The following ABCC9 variants were observed in gnomAD, a reference collection of about 807,000 sequenced individuals.
ABCC9 encodes the protein ATP binding cassette subfamily C member 9.
In ABCC9, 95 loss-of-function variants were observed where a neutral mutation model predicts 188.3. The observed-to-expected ratio is 0.50, with a 90% CI of 0.43 to 0.60. The LOEUF is 0.60. Among genes scored for constraint, ABCC9 ranks in the 20% least tolerant of loss-of-function variants. The pLI is 0.00. For synonymous variants in ABCC9, 659 were observed against 652.7 expected, an observed-to-expected ratio of 1.01 and a Z score of -0.15; for missense variants, 1,102 against 1,876.3, an observed-to-expected ratio of 0.59 and a Z score of 7.62.
intron 29 of ABCC9, among the ~76,000 whole-genome samples, chr12:21,840,523 TATTGATA>T (rs1407831920): frequency 6.6e-6 from 1 of 152,208 alleles, no homozygotes; most frequent in Non-Finnish European, 1.5e-5. Context: ...ACTCCATTTG[TATTGATA>T]AAGGGCAATA....
Position 21,815,859 on chromosome 12 carries a change from T to A in ABCC9, c.3927A>T (p.Glu1309Asp). 2 of 1,613,416 alleles carry A rather than the reference T, an allele frequency of 1.2e-6. No homozygotes were observed. Among genetic ancestry groups the A allele is most frequent in the South Asian group, 2.2e-5 (2 of 91,066 alleles). Reference sequence around the variant, plus strand: ...ACAGATCATGTATCTTGATCTCCCCTTCTTGTGGCCAATGTTCTGGAACTT... The same window carrying A: ...ACAGATCATGTATCTTGATCTCCCCATCTTGTGGCCAATGTTCTGGAACTT... ...PSQVPEHWPQ[E>D]GEIKIHDLCV... is the part of the protein sequence containing the mutation. Residue 1309 changes from glutamate (E) to aspartate (D), a missense_variant, in exon 34 of 40, where the codon GAA becomes GAT. Around this residue, in one of 12 missense-constraint regions of ABCC9, gnomAD observed 143 missense variants for 225.6 expected, o/e 0.63. Transcript: ENST00000261200.
rs201838439 is a variant in ABCC9, at chr12:21,848,203, C to T, written c.2813G>A (p.Arg938Gln). The T allele has an allele frequency of 1.6e-5, 26 of 1,613,588 alleles. No individual in the cohort carries two copies. Among genetic ancestry groups the T allele is most frequent in the Non-Finnish European group, 1.9e-5 (22 of 1,179,610 alleles). ...GGCTTCTCTTGAATACATGGCCCGTCGGAGAGTTTTCCTCTCTAAAGTAGT... is the reference window on the plus strand; with the variant it reads ...GGCTTCTCTTGAATACATGGCCCGTTGGAGAGTTTTCCTCTCTAAAGTAGT... ...DQTTLERKTL[R>Q]RAMYSREAKA... The change falls in exon 25 of 40, where the codon CGA becomes CAA. Residue 938 changes from arginine (R) to glutamine (Q), a missense_variant. Coordinates refer to ENST00000261200, the MANE Select transcript of ABCC9 (RefSeq NM_020297.4).
intron 7 of ABCC9, 24 bp from the exon 8 acceptor site, chr12:21,913,090 A>G: frequency 1.3e-6 from 2 of 1,586,286 alleles, no homozygotes; most frequent in East Asian, 2.2e-5. Flanking sequence ...AAAGAAAAAA[A>G]AAACAGATGT....
At chr12:21,842,568 T>TG in intron 28 of ABCC9, 97 bp from the exon 29 acceptor site, 1 of 1,220,846 alleles carries the variant, frequency 8.2e-7, no homozygotes, top group Non-Finnish European at 1.2e-6. Flanking sequence ...AGTTACACAG[T>TG]TAACTACCAA....
At chr12:21,936,833 G>C (rs1009544143) in intron 2 of ABCC9, 139 bp from the exon 3 acceptor site, 10 of 631,788 alleles carry the variant, frequency 1.6e-5, no homozygotes, top group African/African-American at 1.5e-4. Context: ...AAGAAACTCT[G>C]TGCCAAAGCA....
chr12:21,886,074 T>C (rs913234802), intron 15 of ABCC9, among the ~76,000 whole-genome samples: 2 of 152,168 alleles, frequency 1.3e-5, no homozygotes, highest in Non-Finnish European at 2.9e-5. Context: ...GTGAAATATA[T>C]TAATTTTTAA....
chr12:21,808,159 C>T (rs911395382), intron 37 of ABCC9, among the ~76,000 whole-genome samples: 13 of 151,954 alleles, frequency 8.6e-5, no homozygotes, highest in African/African-American at 2.7e-4. Context: ...TCCCTAATGT[C>T]CTGGGGAAAA....
At chr12:21,925,690 T>C in intron 5 of ABCC9, 1 of 622,754 alleles carries the variant, frequency 1.6e-6, no homozygotes, top group South Asian at 1.9e-5. Context: ...CCCACCCCCC[T>C]ACACCACAGA....
intron 24 of ABCC9, among the ~76,000 whole-genome samples, chr12:21,849,076 C>A (rs1229197408): frequency 6.6e-6 from 1 of 152,034 alleles, no homozygotes; most frequent in Non-Finnish European, 1.5e-5. Flanking sequence ...GAAAACCAAC[C>A]ATTTCCCCTT....
At chr12:21,915,496 GTGTGTA>G (rs1293508719) in intron 7 of ABCC9, among the ~76,000 whole-genome samples, 166 bp downstream of exon 7, 1 of 5,438 alleles carries the variant, frequency 1.8e-4, no homozygotes, top group Non-Finnish European at 3.9e-4. Flanking sequence ...GTGTGTGTGT[GTGTGTA>G]TATATATATA....
At position 21,896,079 on chromosome 12, in the gene ABCC9, CTTT is replaced by C. The variant is rs5796933; in HGVS notation, c.1619-767_1619-765del. On this transcript the variant is annotated intron_variant, in intron 12 of 39. Transcript: ENST00000261200. ...GAGTGAGAAGCTAGAATCTAATTTT[CTTT>C]TTTTTTTTTTTTTTTTACTTTTCTT... Among the ~76,000 whole-genome samples, 928 of 128,006 alleles carry C rather than the reference CTTT, an allele frequency of 7.2e-3. 9 individuals carry two copies. The highest frequency in any genetic ancestry group is 0.02 in the African/African-American group (678 of 34,224). 84.0% of individuals were successfully genotyped at this position (128,006 alleles called of 152,430 possible). A position where few individuals can be genotyped will look rare whatever the true frequency, so the allele number is the denominator to read the frequency against.
rs143461880 is a variant in ABCC9 at position 21,800,727 on chromosome 12, G to A, written c.*317C>T. On this transcript the variant is annotated 3_prime_UTR_variant, in exon 40 of 40. Coordinates refer to ENST00000261200, the MANE Select transcript of ABCC9 (RefSeq NM_020297.4). Reference sequence around the variant, plus strand: ...TACTCATTGACACTTCCATTCCTGAGAGATATTTACCAGACTTAAAGTTAG... The same window carrying A: ...TACTCATTGACACTTCCATTCCTGAAAGATATTTACCAGACTTAAAGTTAG... 52 of 352,060 alleles carry A rather than the reference G, an allele frequency of 1.5e-4. No individual in the cohort carries two copies. Among genetic ancestry groups the A allele is most frequent in the African/African-American group, 1.0e-3 (50 of 47,646 alleles). 21.8% of individuals were successfully genotyped at this position (352,060 alleles called of 1,614,324 possible). A position where few individuals can be genotyped will look rare whatever the true frequency, so the allele number is the denominator to read the frequency against.
At chr12:21,812,849 A>G (rs925223956) in intron 35 of ABCC9, among the ~76,000 whole-genome samples, 1 of 151,678 alleles carries the variant, frequency 6.6e-6, no homozygotes, top group Non-Finnish European at 1.5e-5. Context: ...AAAGTATAAT[A>G]AAAAAAAATC....
At chr12:21,932,592 T>C (rs1949333055) in intron 4 of ABCC9, among the ~76,000 whole-genome samples, 1 of 151,790 alleles carries the variant, frequency 6.6e-6, no homozygotes, top group Admixed American at 6.6e-5. Context: ...AACAACCTCA[T>C]AAAAAAGTGG....
chr12:21,873,235 C>T (rs1443248965), intron 17 of ABCC9, among the ~76,000 whole-genome samples: 2 of 151,908 alleles, frequency 1.3e-5, no homozygotes, highest in Non-Finnish European at 2.9e-5. Context: ...ATTATAGAGA[C>T]ATTTTAAGGA....
rs149248450 is a variant in ABCC9 at position 21,917,449 on chromosome 12, C to G, written c.407-346G>C. ...ATCTTCTGGTCCTGTTTTCAAAGAG[C>G]CTTAATTATATGAATAATTCACAAG... On this transcript the variant is annotated intron_variant, in intron 5 of 39. Coordinates refer to ENST00000261200, the MANE Select transcript of ABCC9 (RefSeq NM_020297.4). Among the ~76,000 whole-genome samples, 653 of 152,206 alleles carry G rather than the reference C, an allele frequency of 4.3e-3. 5 individuals carry two copies. Among genetic ancestry groups the G allele is most frequent in the African/African-American group, 0.014 (590 of 41,540 alleles).
At chr12:21,915,514 A>ATATATATATATATATTTTTTT in intron 7 of ABCC9, among the ~76,000 whole-genome samples, 154 bp downstream of exon 7, 2 of 3,520 alleles carry the variant, frequency 5.7e-4, no homozygotes, top group Non-Finnish European at 9.3e-4. Context: ...ATATATATAT[A>ATATATATATATATATTTTTTT]TTTTTTTTTT....
intron 35 of ABCC9, among the ~76,000 whole-genome samples, chr12:21,813,629 A>G (rs1016147399): frequency 6.6e-6 from 1 of 152,196 alleles, no homozygotes; most frequent in African/African-American, 2.4e-5. Flanking sequence ...ATTTTTGATC[A>G]CTTAATTGCC....
At chr12:21,932,995 A>G (rs144741567) in intron 4 of ABCC9, among the ~76,000 whole-genome samples, 4,786 of 150,322 alleles carry the variant, frequency 0.032, 471 homozygotes, top group Middle Eastern at 0.068. Flanking sequence ...ATGTCCATCA[A>G]TGATAGACTG....
Sources: gnomAD v4.1 joint callset for allele counts (sites outside exome capture counted in the v4.1 genomes callset) on GRCh38, gnomAD v4.1.1 for gene constraint, gnomAD v4.1.1 regional missense constraint, MANE v1.5 for transcripts, NCBI Gene and HGNC (gene_info 2026-07-23, HGNC 2026-07-21) for gene names.